Variants in FGF12 observed in about 807,000 individuals in gnomAD.
FGF12 encodes fibroblast growth factor 12B.
Under a neutral mutation model 23.6 loss-of-function variants are expected in FGF12, and 14 were observed. The ratio of observed to expected loss-of-function variants is 0.59; its 90% confidence interval spans 0.39 to 0.93. The LOEUF is 0.93. Among genes scored for constraint, FGF12 ranks in the 40% least tolerant of loss-of-function variants. The pLI, the probability that FGF12 is intolerant of heterozygous loss-of-function variation, is 0.00. For synonymous variants in FGF12, 62 were observed against 77.3 expected, an observed-to-expected ratio of 0.80 and a Z score of 1.04; for missense variants, 175 against 217.8, an observed-to-expected ratio of 0.80 and a Z score of 1.24.
chr3:192,715,937 G>T (rs77334831), intron 2 of FGF12, among the ~76,000 whole-genome samples: 4,863 of 152,280 alleles, frequency 0.032, 228 homozygotes, highest in East Asian at 0.19. Flanking sequence ...TTGTCTATAC[G>T]TGATATCACT....
intron 4 of FGF12, among the ~76,000 whole-genome samples, chr3:192,249,916 G>T (rs1377359460): frequency 6.6e-6 from 1 of 152,146 alleles, no homozygotes; most frequent in African/African-American, 2.4e-5. Context: ...GAATGGCATT[G>T]TCACCAGGAC....
chr3:192,247,277 A>G (rs1253434348), intron 4 of FGF12, among the ~76,000 whole-genome samples: 1 of 152,184 alleles, frequency 6.6e-6, no homozygotes, highest in African/African-American at 2.4e-5. Context: ...CTCATCTGCC[A>G]TCCCCAGAGA....
intron 5 of FGF12, among the ~76,000 whole-genome samples, chr3:192,166,493 G>C (rs1471934787): frequency 6.6e-6 from 1 of 152,202 alleles, no homozygotes; most frequent in Non-Finnish European, 1.5e-5. Flanking sequence ...TGTCTTACCA[G>C]TTTTAAATGG....
chr3:192,183,236 C>T (rs1716277735), intron 4 of FGF12, among the ~76,000 whole-genome samples: 1 of 151,754 alleles, frequency 6.6e-6, no homozygotes, highest in Admixed American at 6.6e-5. Context: ...CATGAAGATA[C>T]CCAGCAGTGA....
chr3:192,637,443 T>A (rs1372122317), intron 2 of FGF12, among the ~76,000 whole-genome samples: 2 of 152,236 alleles, frequency 1.3e-5, no homozygotes, highest in Non-Finnish European at 1.5e-5. Context: ...GACATTGCAT[T>A]CAGGCACTAA....
At chr3:192,724,058 A>G (rs1719130450) in intron 2 of FGF12, among the ~76,000 whole-genome samples, 1 of 143,460 alleles carries the variant, frequency 7.0e-6, no homozygotes, top group African/African-American at 2.6e-5. Context: ...AAAGGGAGGG[A>G]AGAGGGAAAG....
chr3:192,320,390 T>C (rs1258008497), intron 4 of FGF12, among the ~76,000 whole-genome samples: 1 of 152,202 alleles, frequency 6.6e-6, no homozygotes, highest in Non-Finnish European at 1.5e-5. Context: ...AATGCCCCAC[T>C]TTCTGCATTG....
intron 5 of FGF12, among the ~76,000 whole-genome samples, chr3:192,161,031 T>C (rs964188760): frequency 6.6e-6 from 1 of 151,908 alleles, no homozygotes; most frequent in Admixed American, 6.6e-5. Context: ...GAAAAATCAA[T>C]GAAACAGAAA....
chr3:192,727,001 GGA>G, intron 2 of FGF12, 178 bp downstream of exon 2: 1 of 703,350 alleles, frequency 1.4e-6, no homozygotes, highest in Non-Finnish European at 2.5e-6. Flanking sequence ...CCAAGCTGTG[GGA>G]GTTAAAAAGA....
intron 2 of FGF12, among the ~76,000 whole-genome samples, chr3:192,414,386 C>A (rs1721282916): frequency 6.6e-6 from 1 of 152,174 alleles, no homozygotes; most frequent in Non-Finnish European, 1.5e-5. Context: ...CAGATTCACA[C>A]CCATATAATT....
intron 2 of FGF12, among the ~76,000 whole-genome samples, chr3:192,696,330 G>C (rs903750417): frequency 2.6e-5 from 4 of 152,058 alleles, no homozygotes; most frequent in Non-Finnish European, 5.9e-5. Context: ...ACTGATGCTA[G>C]CAATTCTTAT....
intron 2 of FGF12, among the ~76,000 whole-genome samples, chr3:192,365,253 G>C (rs960752861): frequency 1.1e-5 from 1 of 89,054 alleles, no homozygotes; most frequent in African/African-American, 8.2e-5. Flanking sequence ...CAAGTTAAAA[G>C]TAAAAAATTA....
chr3:192,144,198 T>C, intron 5 of FGF12, 71 bp from the exon 6 acceptor site: 1 of 847,796 alleles, frequency 1.2e-6, no homozygotes, highest in Non-Finnish European at 1.9e-6. Flanking sequence ...TTTTCAAATT[T>C]GATTTTACAA....
At chr3:192,639,105 AG>A (rs1277022863) in intron 2 of FGF12, among the ~76,000 whole-genome samples, 17 of 152,226 alleles carry the variant, frequency 1.1e-4, no homozygotes, top group Non-Finnish European at 2.4e-4. Flanking sequence ...ATTCAATAGT[AG>A]AAAAACAAAT....
intron 4 of FGF12, among the ~76,000 whole-genome samples, chr3:192,220,832 A>T (rs1311379839): frequency 1.3e-5 from 2 of 152,204 alleles, no homozygotes; most frequent in Non-Finnish European, 2.9e-5. Context: ...TGGAAACATG[A>T]TGTTAAATAT....
intron 4 of FGF12, among the ~76,000 whole-genome samples, chr3:192,190,321 C>A (rs1258756466): frequency 6.6e-6 from 1 of 151,826 alleles, no homozygotes; most frequent in Non-Finnish European, 1.5e-5. Context: ...TTTTAAAGGG[C>A]AAATGATTAA....
At chr3:192,269,268 G>A (rs570207355) in intron 4 of FGF12, among the ~76,000 whole-genome samples, 2 of 152,134 alleles carry the variant, frequency 1.3e-5, no homozygotes, top group African/African-American at 4.8e-5. Context: ...GAACATAAAA[G>A]AAAATTTAAA....
chr3:192,665,496 A>G (rs564957790), intron 2 of FGF12, among the ~76,000 whole-genome samples: 5 of 152,036 alleles, frequency 3.3e-5, no homozygotes, highest in Non-Finnish European at 7.4e-5. Context: ...CATTCTCAGC[A>G]AGCTAACACA....
chr3:192,649,728 T>G (rs950803112), intron 2 of FGF12, among the ~76,000 whole-genome samples: 4 of 151,340 alleles, frequency 2.6e-5, no homozygotes, highest in African/African-American at 9.7e-5. Flanking sequence ...TGGCTAATTT[T>G]TTTTTTATTT....
Sources: allele counts gnomAD v4.1 joint callset (sites outside exome capture counted in the v4.1 genomes callset), GRCh38; gene constraint gnomAD v4.1.1; transcripts MANE v1.5; gene names NCBI Gene and HGNC (gene_info 2026-07-23, HGNC 2026-07-21).